KLF13: variants seen among roughly 807,000 people sequenced by gnomAD.
The protein encoded by KLF13 is KLF transcription factor 13, also known as Krueppel-like factor 13.
A neutral mutation model predicts 16.7 loss-of-function variants in KLF13; 8 were observed. The ratio of observed to expected loss-of-function variants is 0.48; its 90% CI spans 0.28 to 0.87. The LOEUF (loss-of-function observed/expected upper bound fraction) is 0.87. Ranked by LOEUF, KLF13 falls within the 40% of genes least tolerant of loss-of-function variation. KLF13 has a pLI of 0.10. For synonymous variants in KLF13, 245 were observed against 208.4 expected, an observed-to-expected ratio of 1.18 and a Z score of -1.51; for missense variants, 447 against 452.2, an observed-to-expected ratio of 0.99 and a Z score of 0.10.
At chr15:31,388,944 T>G (rs1247617001), upstream of KLF13, among the ~76,000 whole-genome samples, 1 of 152,066 alleles carries the variant, frequency 6.6e-6, no homozygotes, top group Admixed American at 6.5e-5. Flanking sequence ...AATAAAATAC[T>G]TGTCCTCCTA....
At chr15:31,430,214 A>G (rs1186524641) in intron 1 of KLF13, among the ~76,000 whole-genome samples, 1 of 152,188 alleles carries the variant, frequency 6.6e-6, no homozygotes, top group African/African-American at 2.4e-5. Context: ...CTAAGTCACA[A>G]AGTGAAAGAA....
At chr15:31,343,486 G>A (rs964388410) in intron 1 of KLF13, among the ~76,000 whole-genome samples, 1 of 152,206 alleles carries the variant, frequency 6.6e-6, no homozygotes, top group African/African-American at 2.4e-5. Context: ...TCACCTGAAG[G>A]GAGAAGGCAA....
chr15:31,357,287 G>T (rs948511034), intron 1 of KLF13, among the ~76,000 whole-genome samples: 4 of 152,200 alleles, frequency 2.6e-5, no homozygotes, highest in Non-Finnish European at 5.9e-5. Context: ...TCTTCTCGTT[G>T]CGTGGCCTCT....
intron 1 of KLF13, among the ~76,000 whole-genome samples, chr15:31,364,163 G>C (rs1186289204): frequency 1.3e-5 from 2 of 151,968 alleles, no homozygotes; most frequent in African/African-American, 2.4e-5. Flanking sequence ...TTTTTTTCTG[G>C]CTATTACTGT....
chr15:31,362,510 A>G (rs764847888), intron 1 of KLF13, among the ~76,000 whole-genome samples: 16 of 152,240 alleles, frequency 1.1e-4, no homozygotes, highest in Non-Finnish European at 1.5e-4. Flanking sequence ...GAAATAGGGA[A>G]TACAGAATGG....
At chr15:31,351,029 G>C (rs1428236551) in intron 1 of KLF13, among the ~76,000 whole-genome samples, 3 of 152,200 alleles carry the variant, frequency 2.0e-5, no homozygotes, top group African/African-American at 7.2e-5. Context: ...CACTTGCTTT[G>C]TAAAATGACC....
intron 1 of KLF13, among the ~76,000 whole-genome samples, chr15:31,331,884 A>G (rs1054351471): frequency 6.6e-6 from 1 of 152,204 alleles, no homozygotes; most frequent in East Asian, 1.9e-4. Flanking sequence ...AAACATACTT[A>G]AATAGGATCC....
intron 2 of KLF13, chr15:31,393,832 G>A (rs1426670525): frequency 1.3e-5 from 2 of 152,290 alleles, no homozygotes; most frequent in East Asian, 3.9e-4. Context: ...AGGCCTCTAT[G>A]GAGAGTCAAG....
At position 31,377,474 on chromosome 15, in the gene KLF13, G is replaced by A. The variant is rs944175346; in HGVS notation, c.*5175G>A. The A allele has an allele frequency of 3.9e-5, 6 of 152,730 alleles. No homozygotes were observed. The highest frequency in any genetic ancestry group is 3.9e-4 in the Admixed American group (6 of 15,300). 9.5% of individuals were successfully genotyped at this position (152,730 alleles called of 1,614,324 possible). A position where few individuals can be genotyped will look rare whatever the true frequency, so the allele number is the denominator to read the frequency against. The stretch of plus-strand genomic sequence containing the variant: ...GTGCATGTGTTGGGTGCATGCTTCC[G>A]GGTCTCAGCTGCCCCAGGCCCGCAC... On this transcript the variant is annotated 3_prime_UTR_variant, in exon 2 of 2. Coordinates refer to ENST00000307145, the MANE Select transcript of KLF13 (RefSeq NM_015995.4).
chr15:31,333,481 A>G (rs762816560), intron 1 of KLF13, among the ~76,000 whole-genome samples: 3 of 152,186 alleles, frequency 2.0e-5, no homozygotes, highest in Non-Finnish European at 4.4e-5. Context: ...TTGAGGGAGT[A>G]GTATAGTGAA....
chr15:31,354,784 T>G (rs891176234), intron 1 of KLF13, among the ~76,000 whole-genome samples: 4 of 152,182 alleles, frequency 2.6e-5, no homozygotes, highest in African/African-American at 9.7e-5. Context: ...CCTGCAGTCT[T>G]ATCTCTGCCC....
intron 1 of KLF13, among the ~76,000 whole-genome samples, chr15:31,426,365 A>G (rs2040401559): frequency 6.6e-6 from 1 of 152,216 alleles, no homozygotes; most frequent in Non-Finnish European, 1.5e-5. Context: ...CCTAGAAGAA[A>G]ACACAGAGGG....
upstream of KLF13, among the ~76,000 whole-genome samples, chr15:31,388,072 C>T (rs2039813529): frequency 6.6e-6 from 1 of 152,184 alleles, no homozygotes; most frequent in African/African-American, 2.4e-5. Context: ...AAGGATGCTG[C>T]CACGAGTCAG....
At chr15:31,352,639 G>A (rs2039235130) in intron 1 of KLF13, among the ~76,000 whole-genome samples, 2 of 152,218 alleles carry the variant, frequency 1.3e-5, no homozygotes. Context: ...TATCTTCAGG[G>A]CTGGGTCTAC....
chr15:31,357,289 G>A (rs1044026212), intron 1 of KLF13, among the ~76,000 whole-genome samples: 4 of 152,196 alleles, frequency 2.6e-5, no homozygotes, highest in East Asian at 1.9e-4. Context: ...TTCTCGTTGC[G>A]TGGCCTCTGC....
intron 1 of KLF13, among the ~76,000 whole-genome samples, chr15:31,412,740 T>C (rs554086591): frequency 5.3e-5 from 8 of 152,178 alleles, no homozygotes; most frequent in Admixed American, 2.0e-4. Context: ...ATAAAACAGA[T>C]AGCTTCCAAT....
At chr15:31,405,410 C>T (rs958830174), downstream of KLF13, among the ~76,000 whole-genome samples, 52 of 152,354 alleles carry the variant, frequency 3.4e-4, no homozygotes, top group African/African-American at 1.3e-3. Flanking sequence ...GTCTACGAAC[C>T]AGGAAGAGGC....
intron 1 of KLF13, among the ~76,000 whole-genome samples, chr15:31,342,487 C>G (rs2140940279): frequency 6.6e-6 from 1 of 152,322 alleles, no homozygotes; most frequent in Non-Finnish European, 1.5e-5. Flanking sequence ...CAAAACTTGC[C>G]TCACTGGATC....
downstream of KLF13, among the ~76,000 whole-genome samples, chr15:31,405,043 G>T (rs776744732): frequency 6.6e-6 from 1 of 152,190 alleles, no homozygotes; most frequent in Non-Finnish European, 1.5e-5. Flanking sequence ...GGAACCATGT[G>T]CCCCTGAAAC....
Sources: allele counts gnomAD v4.1 joint callset (sites outside exome capture counted in the v4.1 genomes callset), GRCh38; gene constraint gnomAD v4.1.1; transcripts MANE v1.5; gene names NCBI Gene and HGNC (gene_info 2026-07-23, HGNC 2026-07-21).